Variants in INSL6 observed in about 807,000 individuals in gnomAD.
The protein encoded by INSL6 is insulin like 6.
INSL6 carries 16 observed loss-of-function variants against 9.4 expected under a neutral mutation model. The observed-to-expected ratio is 1.70, with a 90% CI of 1.15 to 2.59. The LOEUF (loss-of-function observed/expected upper bound fraction) is 2.59, where lower values mean the gene tolerates loss of function less well. Ranked by LOEUF, INSL6 falls within the 30% of genes most tolerant of loss-of-function variation. The pLI, the probability that INSL6 is intolerant of heterozygous loss-of-function variation, is 0.00. For synonymous variants in INSL6, 154 were observed against 96.9 expected (o/e 1.59, Z -3.46); for missense variants, 391 against 257.3 (o/e 1.52, Z -3.56).
the INSL6 span, among the ~76,000 whole-genome samples, chr9:5,081,188 C>T: frequency 2.0e-5 from 3 of 151,850 alleles, no homozygotes; most frequent in African/African-American, 4.8e-5. Flanking sequence ...AGCCACCGCT[C>T]CCAGCCAAAA....
chr9:5,154,980 T>C (rs576044464), intron 2 of INSL6, among the ~76,000 whole-genome samples: 3,466 of 152,098 alleles, frequency 0.023, 150 homozygotes, highest in African/African-American at 0.08. Context: ...ACTGGGTATA[T>C]ACCCAAAGGA....
At chr9:5,141,543 G>T (rs915779739) in intron 2 of INSL6, among the ~76,000 whole-genome samples, 2 of 151,880 alleles carry the variant, frequency 1.3e-5, no homozygotes, top group African/African-American at 4.8e-5. Flanking sequence ...ACTTTTTAAT[G>T]TTTTTTCCCT....
chr9:5,154,241 A>T (rs928092461), intron 2 of INSL6, among the ~76,000 whole-genome samples: 9 of 152,264 alleles, frequency 5.9e-5, no homozygotes, highest in African/African-American at 1.9e-4. Flanking sequence ...CTTATTTAAT[A>T]AATGGTGTTG....
intron 2 of INSL6, among the ~76,000 whole-genome samples, chr9:5,146,101 G>C (rs1180780934): frequency 6.6e-6 from 1 of 152,056 alleles, no homozygotes; most frequent in East Asian, 1.9e-4. Flanking sequence ...CAATCTTTGA[G>C]GTTGTTAACC....
chr9:5,168,436 G>C (rs985197125), intron 1 of INSL6, among the ~76,000 whole-genome samples: 4 of 152,090 alleles, frequency 2.6e-5, no homozygotes, highest in African/African-American at 7.2e-5. Context: ...GCAAACACAA[G>C]TTTGAAGTTT....
At chr9:5,066,587 T>C in the INSL6 span, 1 of 743,116 alleles carries the variant, frequency 1.3e-6, no homozygotes, top group Non-Finnish European at 2.4e-6. Context: ...CTGACAGTTT[T>C]AGATTTGACT....
At chr9:5,059,868 G>A in the INSL6 span, among the ~76,000 whole-genome samples, 1 of 152,106 alleles carries the variant, frequency 6.6e-6, no homozygotes. Context: ...GCCTGTGACA[G>A]TCTTTTGCAC....
intron 1 of INSL6, 51 bp downstream of exon 1, chr9:5,185,261 GGA>G (rs1825541763): frequency 6.2e-7 from 1 of 1,609,792 alleles, no homozygotes; most frequent in Admixed American, 1.7e-5. Flanking sequence ...AGCAAATGCA[GGA>G]ATAAGAAATA....
At chr9:5,034,920 A>C in the INSL6 span, among the ~76,000 whole-genome samples, 1 of 152,160 alleles carries the variant, frequency 6.6e-6, no homozygotes, top group East Asian at 1.9e-4. Flanking sequence ...GAGACAAAAA[A>C]CCCTTCAAAA....
At chr9:5,114,470 G>C in the INSL6 span, 15 of 469,754 alleles carry the variant, frequency 3.2e-5, no homozygotes, top group East Asian at 5.3e-5. Flanking sequence ...CCACGACCAA[G>C]ATCAGCGGCC....
At chr9:5,085,866 T>C in the INSL6 span, 2 of 784,648 alleles carry the variant, frequency 2.5e-6, no homozygotes, top group South Asian at 2.7e-5. Context: ...AGAGATTTCC[T>C]TAAGTTCTGT....
At chr9:5,001,088 C>G in the INSL6 span, among the ~76,000 whole-genome samples, 3 of 152,138 alleles carry the variant, frequency 2.0e-5, no homozygotes, top group South Asian at 4.1e-4. Flanking sequence ...TTTATAAGTT[C>G]TAGTAATTTT....
At chr9:5,158,785 A>G (rs1824866334) in intron 2 of INSL6, among the ~76,000 whole-genome samples, 1 of 152,220 alleles carries the variant, frequency 6.6e-6, no homozygotes, top group African/African-American at 2.4e-5. Flanking sequence ...GATGTTAATG[A>G]CCAGGAAGAA....
At chr9:5,133,398 T>C (rs1170168821) in intron 3 of INSL6, 1 of 151,986 alleles carries the variant, frequency 6.6e-6, no homozygotes, top group Non-Finnish European at 1.5e-5. Flanking sequence ...AAAAAATAGT[T>C]TACACATAAT....
At chr9:5,046,233 T>C in the INSL6 span, among the ~76,000 whole-genome samples, 1 of 152,184 alleles carries the variant, frequency 6.6e-6, no homozygotes, top group Non-Finnish European at 1.5e-5. Context: ...AGATGTCTAC[T>C]GAAGTCCTTT....
chr9:5,004,536 G>A, the INSL6 span, among the ~76,000 whole-genome samples: 1 of 152,128 alleles, frequency 6.6e-6, no homozygotes, highest in Non-Finnish European at 1.5e-5. Context: ...CAGTTCATCT[G>A]TTGATGGACA....
intron 1 of INSL6, among the ~76,000 whole-genome samples, chr9:5,167,940 T>G (rs1427824441): frequency 6.6e-6 from 1 of 152,052 alleles, no homozygotes; most frequent in African/African-American, 2.4e-5. Flanking sequence ...CCAAGGTGAA[T>G]AAAGTCTGGA....
chr9:5,101,838 A>G, the INSL6 span, among the ~76,000 whole-genome samples: 27 of 152,350 alleles, frequency 1.8e-4, no homozygotes, highest in African/African-American at 6.3e-4. Context: ...ACTAACAAAC[A>G]GAAAGGAATA....
the INSL6 span, among the ~76,000 whole-genome samples, chr9:5,073,997 C>A: frequency 2.0e-5 from 3 of 152,168 alleles, no homozygotes; most frequent in African/African-American, 7.2e-5. Flanking sequence ...GGTTACAATG[C>A]CCAAACAATA....
Sources: allele counts gnomAD v4.1 joint callset (sites outside exome capture counted in the v4.1 genomes callset), GRCh38; gene constraint gnomAD v4.1.1; transcripts MANE v1.5; gene names NCBI Gene and HGNC (gene_info 2026-07-23, HGNC 2026-07-21).